Variants in CHMP3 observed in about 807,000 individuals in gnomAD.
CHMP3 encodes 25.1 protein.
CHMP3 carries 8 observed loss-of-function variants against 27.4 expected under a neutral mutation model. That is an observed-to-expected ratio of 0.29 (90% confidence interval 0.17 to 0.53). The LOEUF is 0.53. Among genes scored for constraint, CHMP3 ranks in the 20% least tolerant of loss-of-function variants. The pLI, the probability that CHMP3 is intolerant of heterozygous loss-of-function variation, is 0.96. For synonymous variants in CHMP3, 86 were observed against 85.5 expected (o/e 1.01, Z -0.03); for missense variants, 208 against 271.5 (o/e 0.77, Z 1.64).
intron 1 of CHMP3, among the ~76,000 whole-genome samples, chr2:86,550,690 C>A (rs181511086): frequency 2.8e-4 from 43 of 152,116 alleles, no homozygotes; most frequent in Admixed American, 2.4e-3. Flanking sequence ...CCCACTATAT[C>A]CATGGGTTCT....
intron 1 of CHMP3, among the ~76,000 whole-genome samples, chr2:86,560,399 G>A (rs1051426760): frequency 5.3e-5 from 8 of 152,266 alleles, no homozygotes; most frequent in African/African-American, 1.4e-4. Flanking sequence ...ATGAGTTCAC[G>A]TCCTTTGCAG....
intron 1 of CHMP3, among the ~76,000 whole-genome samples, chr2:86,549,470 CCT>C (rs1164995149): frequency 2.1e-5 from 3 of 140,740 alleles, no homozygotes; most frequent in Admixed American, 7.0e-5. Context: ...CAGAGGCGCT[CCT>C]CACTTCCCAG....
intron 2 of CHMP3, among the ~76,000 whole-genome samples, chr2:86,529,967 G>A (rs1470408707): frequency 6.6e-6 from 1 of 151,918 alleles, no homozygotes; most frequent in South Asian, 2.1e-4. Context: ...TTGTGCAACC[G>A]TCACCTCCAC....
chr2:86,559,993 G>A (rs575000874), intron 1 of CHMP3, among the ~76,000 whole-genome samples: 246 of 152,288 alleles, frequency 1.6e-3, no homozygotes, highest in Non-Finnish European at 2.9e-3. Context: ...AGGGCCGGGC[G>A]CGGTGGCTTA....
At chr2:86,523,988 C>CA (rs1438775236) in intron 3 of CHMP3, among the ~76,000 whole-genome samples, 1 of 151,964 alleles carries the variant, frequency 6.6e-6, no homozygotes, top group Non-Finnish European at 1.5e-5. Context: ...ATTACACAGA[C>CA]AAAATTGATC....
At chr2:86,558,008 G>A (rs1351734972) in intron 1 of CHMP3, among the ~76,000 whole-genome samples, 1 of 151,982 alleles carries the variant, frequency 6.6e-6, no homozygotes, top group Non-Finnish European at 1.5e-5. Flanking sequence ...TCCCTTTTCT[G>A]ATAGAATCCC....
chr2:86,542,626 T>G (rs115928525), intron 1 of CHMP3, among the ~76,000 whole-genome samples: 3,097 of 152,310 alleles, frequency 0.02, 66 homozygotes, highest in Non-Finnish European at 0.029. Flanking sequence ...AGTGCACAGT[T>G]AGCTTTAAGA....
At chr2:86,550,147 G>A (rs543819209) in intron 1 of CHMP3, among the ~76,000 whole-genome samples, 4 of 152,318 alleles carry the variant, frequency 2.6e-5, no homozygotes, top group South Asian at 2.1e-4. Context: ...AGGCCACGAC[G>A]GGCAGACCAC....
At chr2:86,535,916 C>CAA (rs1676111323) in intron 2 of CHMP3, among the ~76,000 whole-genome samples, 1 of 151,038 alleles carries the variant, frequency 6.6e-6, no homozygotes, top group Non-Finnish European at 1.5e-5. Context: ...ACTATGTGTC[C>CAA]AAAAACAGAC....
At chr2:86,554,907 G>A (rs1487202427) in intron 1 of CHMP3, among the ~76,000 whole-genome samples, 1 of 150,230 alleles carries the variant, frequency 6.7e-6, no homozygotes, top group Non-Finnish European at 1.5e-5. Context: ...GAGTGCAGTG[G>A]GTGATCTCGG....
At chr2:86,536,022 G>T (rs1297345582) in intron 2 of CHMP3, among the ~76,000 whole-genome samples, 22 of 132,454 alleles carry the variant, frequency 1.7e-4, no homozygotes, top group Non-Finnish European at 3.1e-4. Flanking sequence ...TTGAGACGGA[G>T]TCTCGCTCTG....
intron 3 of CHMP3, among the ~76,000 whole-genome samples, chr2:86,515,710 T>G (rs1241960916): frequency 6.6e-6 from 1 of 152,144 alleles, no homozygotes; most frequent in East Asian, 1.9e-4. Flanking sequence ...AAATATTTGT[T>G]GAAAAAAACA....
At chr2:86,545,812 G>A (rs1212090116) in intron 1 of CHMP3, among the ~76,000 whole-genome samples, 1 of 150,394 alleles carries the variant, frequency 6.6e-6, no homozygotes, top group Non-Finnish European at 1.5e-5. Context: ...AGATGGGGTG[G>A]CCAGGCAGAG....
chr2:86,509,519 A>G (rs1675017618), intron 4 of CHMP3, among the ~76,000 whole-genome samples: 1 of 152,140 alleles, frequency 6.6e-6, no homozygotes, highest in Non-Finnish European at 1.5e-5. Context: ...AAGGGAGGTG[A>G]TTTCTATGCA....
At chr2:86,552,235 G>C (rs969021466) in intron 1 of CHMP3, among the ~76,000 whole-genome samples, 3 of 152,124 alleles carry the variant, frequency 2.0e-5, no homozygotes, top group African/African-American at 7.2e-5. Flanking sequence ...GAGAGGAACG[G>C]GTGGAGAGAG....
intron 1 of CHMP3, among the ~76,000 whole-genome samples, chr2:86,560,108 A>T (rs1187554900): frequency 6.6e-6 from 1 of 152,210 alleles, no homozygotes; most frequent in East Asian, 1.9e-4. Context: ...TACTAAACAC[A>T]CAAAAAATTA....
intron 3 of CHMP3, among the ~76,000 whole-genome samples, chr2:86,517,946 C>T (rs540586750): frequency 1.4e-4 from 21 of 151,954 alleles, no homozygotes; most frequent in Admixed American, 3.3e-4. Context: ...ACCTAAGCCA[C>T]GGAGGTTGAG....
At chr2:86,555,342 G>A (rs2104044163) in intron 1 of CHMP3, among the ~76,000 whole-genome samples, 1 of 152,144 alleles carries the variant, frequency 6.6e-6, no homozygotes, top group Admixed American at 6.5e-5. Context: ...ATGCAATAAA[G>A]AGAGTAAGCA....
intron 2 of CHMP3, among the ~76,000 whole-genome samples, chr2:86,537,600 T>G (rs1020726872): frequency 1.3e-5 from 2 of 152,218 alleles, no homozygotes; most frequent in African/African-American, 4.8e-5. Context: ...ACTCTGGAGA[T>G]CAGATGCTGA....
Sources: gnomAD v4.1 joint callset for allele counts (sites outside exome capture counted in the v4.1 genomes callset) on GRCh38, gnomAD v4.1.1 for gene constraint, MANE v1.5 for transcripts, NCBI Gene and HGNC (gene_info 2026-07-23, HGNC 2026-07-21) for gene names.